Variants in SHISA6 observed in about 807,000 individuals in gnomAD.
SHISA6 encodes the protein protein shisa-6.
A neutral mutation model predicts 47.9 loss-of-function variants in SHISA6; 22 were observed. That is an observed-to-expected ratio of 0.46 (90% CI 0.33 to 0.66). The LOEUF is 0.66. SHISA6 is among the 30% of genes least tolerant of loss of function. SHISA6 has a pLI of 0.02. For synonymous variants in SHISA6, 388 were observed against 337.8 expected (o/e 1.15, Z -1.63); for missense variants, 680 against 764.6 (o/e 0.89, Z 1.30).
chr17:11,365,147 A>G (rs1029565248), intron 2 of SHISA6, among the ~76,000 whole-genome samples: 7 of 152,202 alleles, frequency 4.6e-5, no homozygotes, highest in African/African-American at 1.7e-4. Context: ...ACTTAGTATT[A>G]AATAATAACT....
chr17:11,421,335 T>C (rs906368739), intron 3 of SHISA6, among the ~76,000 whole-genome samples: 3 of 152,218 alleles, frequency 2.0e-5, no homozygotes, highest in African/African-American at 4.8e-5. Flanking sequence ...AAAAAGATAA[T>C]TTGTTCAACA....
rs535909702 is a variant in SHISA6, at chr17:11,339,213, C to CTGTT, written c.800-40200_800-40197dup. On this transcript the variant is annotated intron_variant, in intron 2 of 5. Coordinates refer to ENST00000441885, the MANE Select transcript of SHISA6 (RefSeq NM_207386.4). ...ACGAGGCCACTAAATTGCCCCTGGCCTGTTATATGTGATGTTGTCAACTTG... is the reference window on the plus strand; with the variant it reads ...ACGAGGCCACTAAATTGCCCCTGGCCTGTTTGTTATATGTGATGTTGTCAACTTG... Among the ~76,000 whole-genome samples the CTGTT allele has an allele frequency of 6.6e-5, 10 of 151,186 alleles. No homozygotes were observed. In the East Asian group the frequency reaches 1.9e-3, roughly 29 times the overall value.
At chr17:11,508,425 C>T (rs1000300805) in intron 3 of SHISA6, among the ~76,000 whole-genome samples, 1 of 91,070 alleles carries the variant, frequency 1.1e-5, no homozygotes, top group East Asian at 4.5e-4. Flanking sequence ...GAGGAGCCCT[C>T]ATAGCCTAAT....
chr17:11,264,139 A>G (rs1045137850), intron 2 of SHISA6, among the ~76,000 whole-genome samples: 13 of 152,346 alleles, frequency 8.5e-5, no homozygotes, highest in African/African-American at 1.9e-4. Flanking sequence ...ATGCAGCTCA[A>G]AGAAATTTAG....
intron 3 of SHISA6, among the ~76,000 whole-genome samples, chr17:11,518,901 T>C (rs759948464): frequency 3.9e-5 from 6 of 152,198 alleles, no homozygotes; most frequent in Non-Finnish European, 8.8e-5. Flanking sequence ...ACTTGTCTCA[T>C]GCTTCACTGA....
intron 2 of SHISA6, among the ~76,000 whole-genome samples, chr17:11,271,148 G>C (rs1236882049): frequency 2.0e-5 from 3 of 152,048 alleles, no homozygotes; most frequent in Non-Finnish European, 4.4e-5. Flanking sequence ...GAGGGGTGAA[G>C]GGTGGGGGGA....
chr17:11,530,993 A>C (rs1396641097), intron 3 of SHISA6, among the ~76,000 whole-genome samples: 6 of 152,138 alleles, frequency 3.9e-5, no homozygotes, highest in African/African-American at 1.4e-4. Flanking sequence ...ATTCGTAGGG[A>C]TAGGATTCCC....
intron 2 of SHISA6, among the ~76,000 whole-genome samples, chr17:11,354,667 A>T (rs1912022474): frequency 6.6e-6 from 1 of 152,216 alleles, no homozygotes; most frequent in Non-Finnish European, 1.5e-5. Context: ...GCTGTGACTC[A>T]GTCCACTGGG....
intron 2 of SHISA6, among the ~76,000 whole-genome samples, chr17:11,311,038 C>T (rs1229036773): frequency 1.5e-5 from 2 of 137,712 alleles, no homozygotes; most frequent in South Asian, 2.4e-4. Context: ...ACCCAGGAGG[C>T]GGAGCTTGCA....
intron 3 of SHISA6, among the ~76,000 whole-genome samples, chr17:11,423,239 G>GTA (rs71142209): frequency 0.14 from 18,510 of 134,390 alleles, 1,462 homozygotes; most frequent in African/African-American, 0.21. Context: ...GTGTGTGTGT[G>GTA]TATATATATA....
At chr17:11,249,384 A>T (rs1263683604) in intron 1 of SHISA6, among the ~76,000 whole-genome samples, 2 of 151,966 alleles carry the variant, frequency 1.3e-5, no homozygotes, top group African/African-American at 2.4e-5. Context: ...CCCTGCATAG[A>T]ATATAGCTCT....
chr17:11,451,431 G>T (rs1445689143), intron 3 of SHISA6, among the ~76,000 whole-genome samples: 2 of 152,108 alleles, frequency 1.3e-5, no homozygotes, highest in Non-Finnish European at 2.9e-5. Flanking sequence ...ATGTTCTGTG[G>T]ATACTCTCAA....
At chr17:11,291,559 G>A (rs1458365377) in intron 2 of SHISA6, among the ~76,000 whole-genome samples, 10 of 152,072 alleles carry the variant, frequency 6.6e-5, no homozygotes, top group Non-Finnish European at 2.9e-5. Context: ...ACTTTAACCC[G>A]GGAGGCGGAG....
At position 11,285,320 on chromosome 17, in the gene SHISA6, G is replaced by A. The variant is rs188057170; in HGVS notation, c.799+21794G>A. Among the ~76,000 whole-genome samples, 37 of 152,298 alleles carry A rather than the reference G, an allele frequency of 2.4e-4. 1 individual carries two copies. Among genetic ancestry groups the A allele is most frequent in the Admixed American group, 2.4e-3 (36 of 15,300 alleles). On this transcript the variant is annotated intron_variant, in intron 2 of 5. Transcript: ENST00000441885. ...ATTCTGAGACTTGGAGGTGTTGCAT[G>A]ATTTTTGCAGGAGTTGCTGCCGTTT... is the stretch of plus-strand genomic sequence containing the variant.
intron 2 of SHISA6, among the ~76,000 whole-genome samples, chr17:11,310,784 C>A (rs1321126278): frequency 6.6e-6 from 1 of 151,974 alleles, no homozygotes; most frequent in Non-Finnish European, 1.5e-5. Flanking sequence ...ACCAACCTGA[C>A]CGACATGGTG....
intron 2 of SHISA6, among the ~76,000 whole-genome samples, chr17:11,377,981 T>C (rs1912865215): frequency 6.6e-6 from 1 of 152,214 alleles, no homozygotes; most frequent in Non-Finnish European, 1.5e-5. Flanking sequence ...GGTGGTTTGC[T>C]GTACCGGTCA....
In SHISA6 at chr17:11,241,221, G is replaced by C. The variant is rs957651350; in HGVS notation, c.-202G>C. ...GAGCCGGCGCGCAGCCTGAGAGCCC[G>C]AGCAGCCCGCGCCGGGCCGGTCCGT... On this transcript the variant is annotated 5_prime_UTR_variant, in exon 1 of 6. Coordinates refer to ENST00000441885, the MANE Select transcript of SHISA6 (RefSeq NM_207386.4). This position sits in a 1 kb window ranked among gnomAD's most constrained non-coding sequence, Gnocchi z 5.5. 6.5e-6 allele frequency: 1 copy of C among 154,706 alleles called. No individual in the cohort carries two copies. Among genetic ancestry groups the C allele is most frequent in the Non-Finnish European group, 1.4e-5 (1 of 74,042 alleles). 9.6% of individuals were successfully genotyped at this position (154,706 alleles called of 1,614,324 possible).
intron 3 of SHISA6, among the ~76,000 whole-genome samples, chr17:11,502,132 G>T (rs2969187): frequency 6.6e-6 from 1 of 151,870 alleles, no homozygotes; most frequent in Non-Finnish European, 1.5e-5. Context: ...AAAACAGGCC[G>T]GGCGCGGTGG....
At chr17:11,496,750 A>AAG (rs1315846420) in intron 3 of SHISA6, among the ~76,000 whole-genome samples, 2 of 116,524 alleles carry the variant, frequency 1.7e-5, no homozygotes, top group Non-Finnish European at 4.0e-5. Flanking sequence ...AAAAAAAAGA[A>AAG]AAAAAAAAAA....
Sources: gnomAD v4.1 joint callset for allele counts (sites outside exome capture counted in the v4.1 genomes callset) on GRCh38, gnomAD v4.1.1 for gene constraint, Gnocchi (gnomAD v3.1) non-coding constraint, MANE v1.5 for transcripts, NCBI Gene and HGNC (gene_info 2026-07-23, HGNC 2026-07-21) for gene names.